Variants in MED13L observed in about 807,000 individuals in gnomAD.
MED13L encodes mediator complex subunit 13L, also known as mediator of RNA polymerase II transcription subunit 13-like.
MED13L carries 7 observed loss-of-function variants against 220.9 expected under a neutral mutation model. The observed-to-expected ratio is 0.03, with a 90% CI of 0.02 to 0.06. MED13L has a LOEUF of 0.06. Among genes scored for constraint, MED13L ranks in the 10% least tolerant of loss-of-function variants. The pLI, the probability that MED13L is intolerant of heterozygous loss-of-function variation, is 1.00. For synonymous variants in MED13L, 1,011 were observed against 1,015.2 expected, an observed-to-expected ratio of 1.00 and a Z score of 0.08; for missense variants, 1,965 against 2,760.5, an observed-to-expected ratio of 0.71 and a Z score of 6.46.
chr12:115,961,431 A>G, intron 30 of MED13L, 33 bp from the exon 31 acceptor site: 1 of 1,612,362 alleles, frequency 6.2e-7, no homozygotes, highest in Non-Finnish European at 8.5e-7. Context: ...CAGGGGCGTG[A>G]GCCTCAAGAG....
chr12:116,191,698 T>C (rs1005048442), intron 2 of MED13L, among the ~76,000 whole-genome samples: 1 of 152,112 alleles, frequency 6.6e-6, no homozygotes, highest in Non-Finnish European at 1.5e-5. Flanking sequence ...AATATGCGTT[T>C]TGCCAGGCCC....
intron 3 of MED13L, among the ~76,000 whole-genome samples, chr12:116,108,587 AG>A (rs1176184247): frequency 6.6e-6 from 1 of 152,194 alleles, no homozygotes; most frequent in African/African-American, 2.4e-5. Flanking sequence ...AGTTACATTA[AG>A]TTTGATAAGA....
At chr12:116,162,770 C>T (rs1878983143) in intron 2 of MED13L, among the ~76,000 whole-genome samples, 1 of 152,146 alleles carries the variant, frequency 6.6e-6, no homozygotes. Context: ...TACAATTCCT[C>T]GTAAGTTATA....
chr12:116,001,982 T>C (rs1878774387), intron 14 of MED13L, among the ~76,000 whole-genome samples: 1 of 152,180 alleles, frequency 6.6e-6, no homozygotes, highest in Non-Finnish European at 1.5e-5. Context: ...GGGTAAAGGA[T>C]CAATGGATTC....
chr12:115,986,049 G>A (rs1407557408), intron 19 of MED13L, among the ~76,000 whole-genome samples: 3 of 152,188 alleles, frequency 2.0e-5, no homozygotes, highest in African/African-American at 7.2e-5. Flanking sequence ...GTAAGAATGG[G>A]AGGGGAACGT....
chr12:116,197,113 TTAGTC>T (rs1481694924), intron 2 of MED13L, among the ~76,000 whole-genome samples: 10 of 152,146 alleles, frequency 6.6e-5, no homozygotes, highest in Admixed American at 4.6e-4. Flanking sequence ...TCACTTTACT[TTAGTC>T]TAAGCCTCCA....
At chr12:116,256,617 G>A (rs1178025298) in intron 1 of MED13L, among the ~76,000 whole-genome samples, 1 of 149,930 alleles carries the variant, frequency 6.7e-6, no homozygotes, top group Admixed American at 6.6e-5. Flanking sequence ...CTCAATAAAT[G>A]TAATAAGAAA....
chr12:115,998,570 TG>T (rs1878552567), intron 14 of MED13L, among the ~76,000 whole-genome samples: 1 of 152,208 alleles, frequency 6.6e-6, no homozygotes, highest in African/African-American at 2.4e-5. Flanking sequence ...TGACTCTCAA[TG>T]GGCCTACTTG....
intron 3 of MED13L, among the ~76,000 whole-genome samples, chr12:116,111,226 T>C (rs1458867802): frequency 6.6e-6 from 1 of 152,208 alleles, no homozygotes; most frequent in Non-Finnish European, 1.5e-5. Flanking sequence ...GGGCAGGGAA[T>C]ATGGGAGTTC....
chr12:116,262,760 C>T (rs1012067405), intron 1 of MED13L, among the ~76,000 whole-genome samples: 3 of 152,072 alleles, frequency 2.0e-5, no homozygotes, highest in Non-Finnish European at 2.9e-5. Context: ...AGAATCATTC[C>T]GCTGTTTAAT....
At chr12:116,232,966 A>G (rs971927786) in intron 2 of MED13L, among the ~76,000 whole-genome samples, 2 of 152,008 alleles carry the variant, frequency 1.3e-5, no homozygotes, top group African/African-American at 4.8e-5. Context: ...ATACACCTGC[A>G]ATCCCAGCTA....
In MED13L at chr12:115,959,743, C is replaced by T. The variant is rs1232959793; in HGVS notation, c.*1523G>A. The stretch of plus-strand genomic sequence containing the variant: ...TTATTTCTCTGCTTTCACATTCCCA[C>T]CACACAACTTTTTTTTTAATATAAT... On this transcript the variant is annotated 3_prime_UTR_variant, in exon 31 of 31. Transcript: ENST00000281928. 1 of 152,584 alleles carries T rather than the reference C, an allele frequency of 6.6e-6. No homozygotes were observed. Among genetic ancestry groups the T allele is most frequent in the Non-Finnish European group, 1.5e-5 (1 of 68,030 alleles). 9.5% of individuals were successfully genotyped at this position (152,584 alleles called of 1,614,324 possible).
chr12:116,156,746 C>T (rs1198844452), intron 2 of MED13L, among the ~76,000 whole-genome samples: 1 of 152,120 alleles, frequency 6.6e-6, no homozygotes, highest in Non-Finnish European at 1.5e-5. Flanking sequence ...CTAACAAGTA[C>T]GGACTTCTTA....
At chr12:115,967,157 T>A (rs1268297448) in intron 28 of MED13L, among the ~76,000 whole-genome samples, 2 of 107,814 alleles carry the variant, frequency 1.9e-5, no homozygotes, top group African/African-American at 3.9e-5. Flanking sequence ...AGCAACAGAG[T>A]GAGACTCTGT....
chr12:116,172,545 A>G (rs1435765598), intron 2 of MED13L, among the ~76,000 whole-genome samples: 3 of 152,214 alleles, frequency 2.0e-5, no homozygotes, highest in Non-Finnish European at 4.4e-5. Flanking sequence ...GTCTCTTTCT[A>G]TTCCACATTA....
At chr12:115,980,631 T>A (rs1877260491) in intron 23 of MED13L, 119 bp downstream of exon 23, 1 of 1,091,952 alleles carries the variant, frequency 9.2e-7, no homozygotes, top group Admixed American at 1.7e-5. Flanking sequence ...GCCTAGCAAC[T>A]CTTATATCAA....
chr12:116,051,177 T>C (rs1868481409), intron 4 of MED13L, among the ~76,000 whole-genome samples: 1 of 152,046 alleles, frequency 6.6e-6, no homozygotes, highest in Admixed American at 6.6e-5. Context: ...AAGAATATTA[T>C]ATAGCATTTT....
intron 4 of MED13L, among the ~76,000 whole-genome samples, chr12:116,076,326 C>A (rs1870797525): frequency 6.6e-6 from 1 of 152,074 alleles, no homozygotes; most frequent in Non-Finnish European, 1.5e-5. Flanking sequence ...TGCTTGAGAC[C>A]AGGAATTCAA....
At chr12:116,153,383 G>A (rs1397959655) in intron 2 of MED13L, among the ~76,000 whole-genome samples, 1 of 152,158 alleles carries the variant, frequency 6.6e-6, no homozygotes, top group Non-Finnish European at 1.5e-5. Context: ...CCATTAGTTA[G>A]AGCAGGCAGA....
Sources: allele counts gnomAD v4.1 joint callset (sites outside exome capture counted in the v4.1 genomes callset), GRCh38; gene constraint gnomAD v4.1.1; transcripts MANE v1.5; gene names NCBI Gene and HGNC (gene_info 2026-07-23, HGNC 2026-07-21).